ADGRE1: variants seen among roughly 807,000 people sequenced by gnomAD.
ADGRE1 encodes the protein adhesion G protein-coupled receptor E1.
In ADGRE1, 82 loss-of-function variants were observed where a neutral mutation model predicts 102.7. The ratio of observed to expected loss-of-function variants is 0.80; its 90% CI spans 0.67 to 0.96. The LOEUF (loss-of-function observed/expected upper bound fraction) is 0.96. ADGRE1 is among the 40% of genes least tolerant of loss of function. The pLI is 0.00. For synonymous variants in ADGRE1, 398 were observed against 399.6 expected, an observed-to-expected ratio of 1.00 and a Z score of 0.05; for missense variants, 1,032 against 1,085.3, an observed-to-expected ratio of 0.95 and a Z score of 0.69.
At chr19:6,932,057 C>T (rs117542029) in intron 17 of ADGRE1, among the ~76,000 whole-genome samples, 2,492 of 152,224 alleles carry the variant, frequency 0.016, 33 homozygotes, top group Admixed American at 0.036. Flanking sequence ...GAATCTAAAA[C>T]CTTGGAGATT....
intron 16 of ADGRE1, among the ~76,000 whole-genome samples, chr19:6,927,309 C>T (rs1380837673): frequency 6.7e-6 from 1 of 149,312 alleles, no homozygotes; most frequent in African/African-American, 2.5e-5. Context: ...CTCTTCCTCC[C>T]TTCCTCCCTC....
chr19:6,931,494 T>G (rs1568363573), intron 17 of ADGRE1, among the ~76,000 whole-genome samples: 1 of 152,094 alleles, frequency 6.6e-6, no homozygotes, highest in Non-Finnish European at 1.5e-5. Flanking sequence ...CTCCAACAAA[T>G]TTTCCCATTT....
intron 9 of ADGRE1, among the ~76,000 whole-genome samples, chr19:6,907,390 GTGC>G (rs1266720129): frequency 1.3e-5 from 2 of 150,902 alleles, no homozygotes; most frequent in Non-Finnish European, 2.9e-5. Flanking sequence ...CCAGGCTGGA[GTGC>G]AGTGGGGTGA....
intron 17 of ADGRE1, among the ~76,000 whole-genome samples, chr19:6,934,619 G>A (rs903382017): frequency 1.4e-5 from 2 of 138,386 alleles, no homozygotes; most frequent in Non-Finnish European, 3.1e-5. Flanking sequence ...TTTTTTTTGA[G>A]ATGGAGTCTC....
chr19:6,897,865 GTT>G (rs1028771188), intron 5 of ADGRE1: 10 of 196,946 alleles, frequency 5.1e-5, no homozygotes, highest in African/African-American at 2.3e-4. Flanking sequence ...ATATTTGAGG[GTT>G]TTGTTCCTGT....
At chr19:6,899,971 G>A (rs886620692) in intron 5 of ADGRE1, among the ~76,000 whole-genome samples, 2 of 151,708 alleles carry the variant, frequency 1.3e-5, no homozygotes, top group Non-Finnish European at 2.9e-5. Flanking sequence ...GCACGTGCCT[G>A]TAATCCCAGC....
Position 6,924,866 on chromosome 19 carries a change from C to T in ADGRE1, c.1980C>T (p.Asp660=), listed in dbSNP as rs781771965. 6.2e-7 allele frequency: 1 copy of T among 1,614,070 alleles called. No homozygotes were observed. Among genetic ancestry groups the T allele is most frequent in the Non-Finnish European group, 8.5e-7 (1 of 1,179,978 alleles). ...TLFLAGIHKT[D]NKMGCAIIAG... ...TCCTCGCCGGTATACACAAGACTGA[C>T]AACAAGGTCTACATCGCTCGGGCTG... The change falls in exon 15 of 21, where the codon GAC becomes GAT. Residue 660 remains aspartate (D), a synonymous_variant. Coordinates refer to ENST00000312053, the MANE Select transcript of ADGRE1 (RefSeq NM_001974.5).
intron 2 of ADGRE1, 72 bp downstream of exon 2, chr19:6,890,615 G>A (rs1973334225): frequency 5.9e-6 from 9 of 1,517,258 alleles, no homozygotes; most frequent in Non-Finnish European, 8.1e-6. Context: ...AACATCCCAG[G>A]AAGCTGAGCC....
At chr19:6,902,225 A>G (rs1353257160) in intron 6 of ADGRE1, among the ~76,000 whole-genome samples, 1 of 152,170 alleles carries the variant, frequency 6.6e-6, no homozygotes, top group Non-Finnish European at 1.5e-5. Flanking sequence ...ATAGAGCAGT[A>G]AATAACATCT....
At chr19:6,935,786 C>T (rs964938098) in intron 18 of ADGRE1, among the ~76,000 whole-genome samples, 6 of 152,156 alleles carry the variant, frequency 3.9e-5, no homozygotes, top group African/African-American at 1.2e-4. Context: ...GAATGTGCGT[C>T]GTAAATTGAT....
At position 6,890,563 on chromosome 19, in the gene ADGRE1, T is replaced by C. The variant is rs1973330859; in HGVS notation, c.94+20T>C. 2.5e-6 allele frequency: 4 copies of C among 1,608,050 alleles called. No homozygotes were observed. The African/African-American group carries it at 5.4e-5, about 22-fold the overall frequency. ...CAAAGGGTAAGTTGGCCAGAGAGAA[T>C]GCAGATGCCTGAAGGGGTAGAGAAA... On this transcript the variant is annotated intron_variant, in intron 2 of 20. Coordinates refer to ENST00000312053, the MANE Select transcript of ADGRE1 (RefSeq NM_001974.5).
intron 14 of ADGRE1, among the ~76,000 whole-genome samples, chr19:6,923,313 GAAC>G (rs1974749583): frequency 1.3e-5 from 2 of 152,122 alleles, no homozygotes; most frequent in South Asian, 4.2e-4. Context: ...TCAAAAATGA[GAAC>G]AACAATAACA....
At chr19:6,927,892 A>G (rs1974986386) in intron 16 of ADGRE1, among the ~76,000 whole-genome samples, 1 of 152,114 alleles carries the variant, frequency 6.6e-6, no homozygotes, top group Admixed American at 6.6e-5. Flanking sequence ...ACAGGATTAC[A>G]AAGTTGTGAA....
intron 16 of ADGRE1, among the ~76,000 whole-genome samples, chr19:6,927,821 C>G (rs1974983624): frequency 6.6e-6 from 1 of 152,126 alleles, no homozygotes; most frequent in South Asian, 2.1e-4. Flanking sequence ...GACCCCACGC[C>G]CGGCCTGAGC....
At chr19:6,922,086 A>G (rs553667922) in intron 14 of ADGRE1, among the ~76,000 whole-genome samples, 1 of 152,244 alleles carries the variant, frequency 6.6e-6, no homozygotes, top group Non-Finnish European at 1.5e-5. Flanking sequence ...CAAATATACA[A>G]TGAGAAATAA....
intron 17 of ADGRE1, chr19:6,928,504 G>C: frequency 2.0e-6 from 1 of 503,078 alleles, no homozygotes; most frequent in Non-Finnish European, 3.4e-6. Context: ...GCGAGCACTT[G>C]TAATCCCAGC....
intron 6 of ADGRE1, among the ~76,000 whole-genome samples, chr19:6,902,675 A>G (rs1459233304): frequency 6.6e-6 from 1 of 151,852 alleles, no homozygotes; most frequent in Non-Finnish European, 1.5e-5. Context: ...TCCTGACCCC[A>G]GGTAATCTGC....
intron 13 of ADGRE1, among the ~76,000 whole-genome samples, chr19:6,920,447 C>T (rs534820818): frequency 4.7e-4 from 71 of 151,026 alleles, no homozygotes; most frequent in Non-Finnish European, 9.1e-4. Flanking sequence ...TCTTGATCTC[C>T]TGACCTCGTG....
chr19:6,903,399 A>G (rs395462), intron 6 of ADGRE1, among the ~76,000 whole-genome samples: 56,239 of 152,034 alleles, frequency 0.37, 12,229 homozygotes, highest in African/African-American at 0.6. Context: ...CTAGCTTAGC[A>G]TAATAGAAAT....
Sources: allele counts gnomAD v4.1 joint callset (sites outside exome capture counted in the v4.1 genomes callset), GRCh38; gene constraint gnomAD v4.1.1; transcripts MANE v1.5; gene names NCBI Gene and HGNC (gene_info 2026-07-23, HGNC 2026-07-21).